Variants in PRRC2B observed in about 807,000 individuals in gnomAD.
PRRC2B encodes protein PRRC2B.
In PRRC2B, 68 loss-of-function variants were observed where a neutral mutation model predicts 242.3. The ratio of observed to expected loss-of-function variants is 0.28; its 90% CI spans 0.23 to 0.34. The LOEUF (loss-of-function observed/expected upper bound fraction) is 0.34, where lower values mean the gene tolerates loss of function less well. Among genes scored for constraint, PRRC2B ranks in the 10% least tolerant of loss-of-function variants. The pLI, the probability that PRRC2B is intolerant of heterozygous loss-of-function variation, is 1.00. For synonymous variants in PRRC2B, 1,228 were observed against 1,173.6 expected, an observed-to-expected ratio of 1.05 and a Z score of -0.95; for missense variants, 2,835 against 2,954.8, an observed-to-expected ratio of 0.96 and a Z score of 0.94.
intron 29 of PRRC2B, among the ~76,000 whole-genome samples, 182 bp downstream of exon 29, chr9:131,491,762 C>G (rs757167924): frequency 6.6e-6 from 1 of 152,186 alleles, no homozygotes; most frequent in Non-Finnish European, 1.5e-5. Flanking sequence ...CTGAACATGT[C>G]GAGGGCTGAG....
chr9:131,456,896 G>A (rs998198039), intron 10 of PRRC2B, among the ~76,000 whole-genome samples: 1 of 152,142 alleles, frequency 6.6e-6, no homozygotes, highest in South Asian at 2.1e-4. Context: ...TGCTTCCTTT[G>A]TATAATGCCT....
chr9:131,456,502 G>T (rs1943082950), intron 10 of PRRC2B, among the ~76,000 whole-genome samples: 1 of 151,890 alleles, frequency 6.6e-6, no homozygotes, highest in African/African-American at 2.4e-5. Context: ...ATGGTGGTAG[G>T]TGCCTGTAGT....
rs147114384 is a variant in PRRC2B at position 131,446,120 on chromosome 9, T to TGG, written c.614-278_614-277dup. Among the ~76,000 whole-genome samples, 8,605 of 152,252 alleles carry TGG rather than the reference T, an allele frequency of 0.057. 322 individuals carry two copies. The highest frequency in any genetic ancestry group is 0.11 in the Admixed American group (1,736 of 15,282). On this transcript the variant is annotated intron_variant, in intron 6 of 31. Transcript: ENST00000683519. This position sits in a 1 kb window ranked among gnomAD's most constrained non-coding sequence, Gnocchi z 4.1. The stretch of plus-strand genomic sequence containing the variant: ...CTTCATCTCTCTGGGTTGTGAGACT[T>TGG]GGGGAAGGGTGGTGATTGTTGCTTA...
chr9:131,467,384 G>T (rs927969373), intron 12 of PRRC2B, among the ~76,000 whole-genome samples, 179 bp from the exon 13 acceptor site: 2 of 152,212 alleles, frequency 1.3e-5, no homozygotes, highest in African/African-American at 2.4e-5. Flanking sequence ...CACATGTGTT[G>T]TGGGGAGTCC....
chr9:131,426,785 ACT>A (rs1433169080), intron 1 of PRRC2B, among the ~76,000 whole-genome samples: 3 of 151,804 alleles, frequency 2.0e-5, no homozygotes, highest in Non-Finnish European at 4.4e-5. Flanking sequence ...ATTGTGCCAG[ACT>A]CTCTTACGCC....
At position 131,472,269 on chromosome 9, in the gene PRRC2B, C is replaced by T. The variant is rs552633206; in HGVS notation, c.2108-1239C>T. Among the ~76,000 whole-genome samples, 3 of 152,086 alleles carry T rather than the reference C, an allele frequency of 2.0e-5. No individual in the cohort carries two copies. In the South Asian group the frequency reaches 6.2e-4, roughly 32 times the overall value. On this transcript the variant is annotated intron_variant, in intron 14 of 31. Coordinates refer to ENST00000683519, the MANE Select transcript of PRRC2B (RefSeq NM_013318.4). ...TCTGAAAGTCTATGACTTTTAATTG[C>T]AAAAGTTGGTCCTTTTAGATTTATT...
Position 131,465,193 on chromosome 9 carries a change from G to A in PRRC2B, c.1720+115G>A, listed in dbSNP as rs149795999. The A allele has an allele frequency of 1.1e-3, 1,070 of 1,012,500 alleles. 10 individuals are homozygous for A. The African/African-American group carries it at 0.015, about 14-fold the overall frequency. 62.7% of individuals were successfully genotyped at this position (1,012,500 alleles called of 1,614,324 possible). A position where few individuals can be genotyped will look rare whatever the true frequency, so the allele number is the denominator to read the frequency against. On this transcript the variant is annotated intron_variant, in intron 12 of 31. Coordinates refer to ENST00000683519, the MANE Select transcript of PRRC2B (RefSeq NM_013318.4). The stretch of plus-strand genomic sequence containing the variant: ...AGAACGTATGGCTTACAACGAGATC[G>A]TATTGGGAAGCATCAGTTATTAAGA...
intron 11 of PRRC2B, 126 bp from the exon 12 acceptor site, chr9:131,464,637 C>T: frequency 3.6e-6 from 3 of 838,154 alleles, no homozygotes; most frequent in Non-Finnish European, 5.5e-6. Context: ...CTGTCTGCCA[C>T]ACGCCTGTGC....
At chr9:131,479,831 ACC>A (rs1209439857) in intron 19 of PRRC2B, among the ~76,000 whole-genome samples, 3 of 151,832 alleles carry the variant, frequency 2.0e-5, no homozygotes, top group African/African-American at 7.3e-5. Context: ...GGCTCTGGAA[ACC>A]CCTCCCTGAA....
At chr9:131,438,935 T>C (rs969608991) in intron 4 of PRRC2B, 54 bp from the exon 5 acceptor site, 39 of 1,394,686 alleles carry the variant, frequency 2.8e-5, no homozygotes, top group Middle Eastern at 1.8e-4. Context: ...TAGGCTGTTA[T>C]TGTACAGTGG....
intron 10 of PRRC2B, among the ~76,000 whole-genome samples, chr9:131,456,858 G>T (rs1209146393): frequency 6.6e-6 from 1 of 152,152 alleles, no homozygotes; most frequent in Non-Finnish European, 1.5e-5. Context: ...TGTATTTTTT[G>T]AGTACTAGCA....
chr9:131,475,042 C>G lies in PRRC2B; in HGVS notation c.2913C>G (p.Thr971=), dbSNP rs185930296. ...KIKQELGEES[T]RLAKEKEQSP... ...AGCAGGAGCTAGGGGAGGAGAGTAC[C>G]CGGCTGGCCAAGGAGAAGGAGCAGA... Residue 971 remains threonine (T), a synonymous_variant, in exon 16 of 32, where the codon ACC becomes ACG. Coordinates refer to ENST00000683519, the MANE Select transcript of PRRC2B (RefSeq NM_013318.4). The G allele has an allele frequency of 6.2e-7, 1 of 1,607,998 alleles. No homozygotes were observed. The highest frequency in any genetic ancestry group is 1.7e-5 in the Admixed American group (1 of 59,310).
intron 1 of PRRC2B, among the ~76,000 whole-genome samples, chr9:131,398,349 A>C (rs1837126550): frequency 6.6e-6 from 1 of 152,238 alleles, no homozygotes; most frequent in South Asian, 2.1e-4. Context: ...CCTGAGAAGC[A>C]TCCTTCGTCC....
intron 9 of PRRC2B, among the ~76,000 whole-genome samples, chr9:131,449,941 G>T (rs888051706): frequency 6.6e-6 from 1 of 152,206 alleles, no homozygotes; most frequent in East Asian, 1.9e-4. Flanking sequence ...TTCCCATACG[G>T]CCAATTCTCC....
intron 12 of PRRC2B, 55 bp from the exon 13 acceptor site, chr9:131,467,508 T>A: frequency 7.0e-7 from 1 of 1,427,112 alleles, no homozygotes; most frequent in Non-Finnish European, 9.5e-7. Flanking sequence ...AAACACTTGG[T>A]TGGCTGAGCT....
intron 25 of PRRC2B, 148 bp downstream of exon 25, chr9:131,485,288 C>T (rs1943987180): frequency 3.0e-6 from 2 of 673,498 alleles, no homozygotes; most frequent in Non-Finnish European, 5.0e-6. Flanking sequence ...GGTCGTAGCT[C>T]CCATGTGCTG....
intron 9 of PRRC2B, among the ~76,000 whole-genome samples, chr9:131,453,701 T>C (rs1490144430): frequency 6.6e-6 from 1 of 152,184 alleles, no homozygotes; most frequent in Non-Finnish European, 1.5e-5. Flanking sequence ...CTGGCTACTT[T>C]TCTGTATTTT....
chr9:131,414,762 G>T (rs1373220530), intron 1 of PRRC2B, among the ~76,000 whole-genome samples: 1 of 151,888 alleles, frequency 6.6e-6, no homozygotes, highest in Non-Finnish European at 1.5e-5. Context: ...TAGAGATGGG[G>T]TTTCACCATA....
chr9:131,478,316 A>G (rs184481400), intron 17 of PRRC2B, among the ~76,000 whole-genome samples, 158 bp from the exon 18 acceptor site: 9 of 152,170 alleles, frequency 5.9e-5, no homozygotes, highest in African/African-American at 2.2e-4. Context: ...GGTTTGGGGT[A>G]ACAATGTGTT....
Sources: allele counts gnomAD v4.1 joint callset (sites outside exome capture counted in the v4.1 genomes callset), GRCh38; gene constraint gnomAD v4.1.1; non-coding constraint Gnocchi (gnomAD v3.1); transcripts MANE v1.5; gene names NCBI Gene and HGNC (gene_info 2026-07-23, HGNC 2026-07-21).